FARP1: variants seen among roughly 807,000 people sequenced by gnomAD.
The protein encoded by FARP1 is FERM, ARH/RhoGEF and pleckstrin domain protein 1, also known as FERM, ARHGEF and pleckstrin domain-containing protein 1.
A neutral mutation model predicts 128.8 loss-of-function variants in FARP1; 52 were observed. The ratio of observed to expected loss-of-function variants is 0.40; its 90% CI spans 0.32 to 0.51. FARP1 has a LOEUF of 0.51. Among genes scored for constraint, FARP1 ranks in the 20% least tolerant of loss-of-function variants. The probability of loss-of-function intolerance (pLI) is 0.45; values close to 1 mark genes in which losing one functional copy is unlikely to be tolerated. For missense variants in FARP1, 1,333 were observed against 1,367.9 expected (o/e 0.97, Z 0.40); for synonymous variants, 580 against 551.8 (o/e 1.05, Z -0.72).
intron 2 of FARP1, chr13:98,244,903 T>C: frequency 7.1e-7 from 1 of 1,402,782 alleles, no homozygotes; most frequent in Non-Finnish European, 9.2e-7. Flanking sequence ...CCTAAACGGG[T>C]CTCCAGGAGG....
At chr13:98,310,025 C>CCT (rs150920512) in intron 2 of FARP1, among the ~76,000 whole-genome samples, 25,325 of 151,202 alleles carry the variant, frequency 0.17, 2,754 homozygotes, top group Non-Finnish European at 0.24. Flanking sequence ...ATGGGACCAT[C>CCT]CTCTCTCTCT....
At chr13:98,275,702 T>G (rs1419780096) in intron 2 of FARP1, among the ~76,000 whole-genome samples, 2 of 151,010 alleles carry the variant, frequency 1.3e-5, no homozygotes. Flanking sequence ...ATATAAAATG[T>G]CCCACTTTCC....
At chr13:98,336,081 G>C (rs1887729438) in intron 2 of FARP1, among the ~76,000 whole-genome samples, 1 of 152,140 alleles carries the variant, frequency 6.6e-6, no homozygotes, top group Non-Finnish European at 1.5e-5. Flanking sequence ...GGAATTAATT[G>C]ATTTAGATGA....
At position 98,351,498 on chromosome 13, in the gene FARP1, G is replaced by A. The variant is rs572171823; in HGVS notation, c.276+7632G>A. Among the ~76,000 whole-genome samples, 29 of 151,998 alleles carry A rather than the reference G, an allele frequency of 1.9e-4. No individual in the cohort carries two copies. In the East Asian group the frequency reaches 5.2e-3, roughly 28 times the overall value. ...GTGGTGGCAGGCGCCTGTAGTGCCA[G>A]CTACTTGGGAGGCTGAGGCAGGAGA... On this transcript the variant is annotated intron_variant, in intron 3 of 26. Coordinates refer to ENST00000319562, the MANE Select transcript of FARP1 (RefSeq NM_005766.4).
At chr13:98,308,854 G>A (rs1185245701) in intron 2 of FARP1, among the ~76,000 whole-genome samples, 1 of 151,704 alleles carries the variant, frequency 6.6e-6, no homozygotes, top group Non-Finnish European at 1.5e-5. Flanking sequence ...TATTTTTGGG[G>A]TTTCACAAAA....
chr13:98,417,726 A>G (rs1235632234), intron 16 of FARP1, among the ~76,000 whole-genome samples: 4 of 152,196 alleles, frequency 2.6e-5, no homozygotes, highest in African/African-American at 4.8e-5. Flanking sequence ...AGTTTCACAG[A>G]GGGAGCAGCA....
intron 1 of FARP1, among the ~76,000 whole-genome samples, chr13:98,169,025 G>T (rs1271884591): frequency 2.0e-5 from 3 of 150,802 alleles, no homozygotes; most frequent in Non-Finnish European, 4.4e-5. Flanking sequence ...TTCAAAAACT[G>T]TTTTTTTTTG....
At chr13:98,380,099 A>T (rs985508755) in intron 6 of FARP1, among the ~76,000 whole-genome samples, 1 of 152,190 alleles carries the variant, frequency 6.6e-6, no homozygotes, top group African/African-American at 2.4e-5. Context: ...GATGCCATTG[A>T]GTCGTGTACT....
At chr13:98,409,807 A>G (rs1400874442) in intron 14 of FARP1, among the ~76,000 whole-genome samples, 3 of 152,100 alleles carry the variant, frequency 2.0e-5, no homozygotes, top group Non-Finnish European at 2.9e-5. Flanking sequence ...TTCTGTCTCT[A>G]TGAATTTGCC....
At chr13:98,395,712 G>T (rs56094847) in intron 13 of FARP1, 1 of 451,038 alleles carries the variant, frequency 2.2e-6, no homozygotes, top group African/African-American at 2.0e-5. Flanking sequence ...CGCACTCTGC[G>T]AAGTCCTCCC....
At chr13:98,244,794 C>T (rs762698260) in intron 2 of FARP1, 62 of 1,561,138 alleles carry the variant, frequency 4.0e-5, no homozygotes, top group Non-Finnish European at 4.9e-5. Flanking sequence ...GTGACATTAA[C>T]ACATTTCAGT....
At chr13:98,314,577 C>T (rs1416261678) in intron 2 of FARP1, among the ~76,000 whole-genome samples, 2 of 152,078 alleles carry the variant, frequency 1.3e-5, no homozygotes, top group Non-Finnish European at 2.9e-5. Context: ...CGTGCCCAGC[C>T]TATGTCATCT....
intron 8 of FARP1, among the ~76,000 whole-genome samples, chr13:98,386,187 CTTTT>C (rs138218092): frequency 3.2e-5 from 3 of 93,028 alleles, no homozygotes; most frequent in African/African-American, 4.5e-5. Flanking sequence ...TAATGTGATC[CTTTT>C]TTTTTTTTTT....
At chr13:98,264,108 C>T (rs1883997193) in intron 2 of FARP1, among the ~76,000 whole-genome samples, 2 of 152,190 alleles carry the variant, frequency 1.3e-5, no homozygotes, top group Non-Finnish European at 2.9e-5. Context: ...GGGTCATCTA[C>T]CTCTGCCCTA....
chr13:98,394,351 G>A (rs774723450), intron 12 of FARP1, among the ~76,000 whole-genome samples: 13 of 152,142 alleles, frequency 8.5e-5, no homozygotes, highest in South Asian at 6.2e-4. Context: ...CCCTTTCCCC[G>A]TCCAGGCTGC....
In FARP1 at chr13:98,160,234, G is replaced by A. The variant is rs144885395; in HGVS notation, c.-24+16742G>A. Among the ~76,000 whole-genome samples the A allele has an allele frequency of 6.6e-3, 1,005 of 152,272 alleles. 6 individuals are homozygous for A. The highest frequency in any genetic ancestry group is 0.011 in the Non-Finnish European group (768 of 68,026). On this transcript the variant is annotated intron_variant, in intron 1 of 26. Coordinates refer to ENST00000319562, the MANE Select transcript of FARP1 (RefSeq NM_005766.4). ...TTTAAATTGAAGTCACATCATAAAG[G>A]AACTGAGAAATGAAGCCTCCTTTGA...
At chr13:98,352,714 G>A (rs931144469) in intron 3 of FARP1, among the ~76,000 whole-genome samples, 13 of 152,210 alleles carry the variant, frequency 8.5e-5, no homozygotes, top group African/African-American at 2.2e-4. Flanking sequence ...GAGACACCAC[G>A]TTTGGCCTTG....
chr13:98,416,147 A>C (rs563482601), intron 16 of FARP1, among the ~76,000 whole-genome samples: 1 of 152,254 alleles, frequency 6.6e-6, no homozygotes, highest in South Asian at 2.1e-4. Context: ...TTAACATCTT[A>C]TGTCACCATA....
chr13:98,379,153 T>TATATAATCTATA lies in FARP1; in HGVS notation c.496+1240_496+1241insATCTATAATATA, dbSNP rs1555342097. On this transcript the variant is annotated intron_variant, in intron 6 of 26. Transcript: ENST00000319562. Reference sequence around the variant, plus strand: ...TATATAATATATAATCTATATATAATATATATATAATATATAATCTATATA... The same window carrying TATATAATCTATA: ...TATATAATATATAATCTATATATAATATATAATCTATAATATATATAATATATAATCTATATA... 2.7e-5 allele frequency among the ~76,000 whole-genome samples: 2 copies of TATATAATCTATA among 73,014 alleles called. 1 individual carries two copies. The highest frequency in any genetic ancestry group is 2.0e-4 in the African/African-American group (2 of 10,248). 47.9% of individuals were successfully genotyped at this position (73,014 alleles called of 152,430 possible).
Sources: allele counts gnomAD v4.1 joint callset (sites outside exome capture counted in the v4.1 genomes callset), GRCh38; gene constraint gnomAD v4.1.1; transcripts MANE v1.5; gene names NCBI Gene and HGNC (gene_info 2026-07-23, HGNC 2026-07-21).